Variants in OPRM1 observed in about 807,000 individuals in gnomAD.
The protein encoded by OPRM1 is mu-type opioid receptor.
A neutral mutation model predicts 31.8 loss-of-function variants in OPRM1; 27 were observed. The observed-to-expected ratio is 0.85, with a 90% CI of 0.63 to 1.17. The LOEUF (loss-of-function observed/expected upper bound fraction) is 1.17, where lower values mean the gene tolerates loss of function less well. Among genes scored for constraint, OPRM1 ranks in the 50% most tolerant of loss-of-function variants. OPRM1 has a pLI of 0.00. For synonymous variants in OPRM1, 196 were observed against 189.9 expected (o/e 1.03, Z -0.26); for missense variants, 536 against 511.1 (o/e 1.05, Z -0.47).
At chr6:154,157,589 G>A (rs1798767088) in intron 3 of OPRM1, 1 of 152,154 alleles carries the variant, frequency 6.6e-6, no homozygotes, top group Non-Finnish European at 1.5e-5. Context: ...ATGTCTTCAC[G>A]AAAAGCCAAA....
In OPRM1 at chr6:154,178,633, T is replaced by A. The variant is rs551645337; in HGVS notation, c.1165-68060T>A. Among the ~76,000 whole-genome samples the A allele has an allele frequency of 9.2e-5, 14 of 152,248 alleles. No homozygotes were observed. In the South Asian group the frequency reaches 1.5e-3, roughly 16 times the overall value. The stretch of plus-strand genomic sequence containing the variant: ...AACAGATAAAGTGAACCTGTTGGGG[T>A]AACCAGACATGAAAACAGAATTCAC... On this transcript the variant is annotated intron_variant, in intron 3 of 3. Coordinates refer to the OPRM1 transcript ENST00000337049.
intron 3 of OPRM1, among the ~76,000 whole-genome samples, chr6:154,195,206 G>A (rs2128586179): frequency 6.9e-6 from 1 of 145,070 alleles, no homozygotes; most frequent in Admixed American, 6.9e-5. Flanking sequence ...GGAGTGCAGT[G>A]GCACGATCTC....
At chr6:154,227,092 G>GGAGGCT (rs1779312396) in intron 3 of OPRM1, among the ~76,000 whole-genome samples, 2 of 151,948 alleles carry the variant, frequency 1.3e-5, no homozygotes, top group South Asian at 4.1e-4. Context: ...CAGCTACTTG[G>GGAGGCT]GAGGCTGAGG....
intron 3 of OPRM1, chr6:154,246,551 A>T: frequency 6.3e-7 from 1 of 1,578,382 alleles, no homozygotes. Flanking sequence ...CGTATCCCTC[A>T]TTAAAACGGC....
chr6:154,085,713 A>G (rs537780257), intron 1 of OPRM1, among the ~76,000 whole-genome samples: 1 of 152,188 alleles, frequency 6.6e-6, no homozygotes, highest in East Asian at 1.9e-4. Flanking sequence ...ACTCGGACCC[A>G]CTCAGGTAAA....
chr6:154,234,383 C>G (rs922030733), intron 3 of OPRM1, among the ~76,000 whole-genome samples: 6 of 152,118 alleles, frequency 3.9e-5, no homozygotes, highest in Non-Finnish European at 7.3e-5. Context: ...CTCTCACTTC[C>G]CTATTGCCTT....
In OPRM1 at chr6:154,216,105, C is replaced by G. The variant is rs183779450; in HGVS notation, c.1165-30588C>G. On this transcript the variant is annotated intron_variant, in intron 3 of 3. Coordinates refer to the OPRM1 transcript ENST00000337049. ...AATTTAAATATCCATCCCCTTCACC[C>G]AACAATTCCAATCATAAATATCAAT... Among the ~76,000 whole-genome samples, 1,210 of 152,210 alleles carry G rather than the reference C, an allele frequency of 7.9e-3. 11 individuals are homozygous for G. Among genetic ancestry groups the G allele is most frequent in the Non-Finnish European group, 8.5e-3 (578 of 68,006 alleles).
chr6:154,028,776 C>T (rs1778846249), intron 1 of OPRM1, among the ~76,000 whole-genome samples: 1 of 152,170 alleles, frequency 6.6e-6, no homozygotes, highest in Non-Finnish European at 1.5e-5. Flanking sequence ...GCTGCAATCT[C>T]CCTCTACCTA....
intron 3 of OPRM1, among the ~76,000 whole-genome samples, chr6:154,147,078 T>C (rs1027971427): frequency 6.6e-6 from 1 of 151,448 alleles, no homozygotes; most frequent in East Asian, 1.9e-4. Context: ...GAGGGAGAGG[T>C]GGGGAAGGGG....
chr6:154,135,326 A>G (rs1798028540), downstream of OPRM1, among the ~76,000 whole-genome samples: 1 of 152,208 alleles, frequency 6.6e-6, no homozygotes, highest in Non-Finnish European at 1.5e-5. Flanking sequence ...AAAATTAGCC[A>G]GGCATGGTGG....
chr6:154,126,611 T>A lies in OPRM1; in HGVS notation c.*7890T>A, dbSNP rs1185025492. Among the ~76,000 whole-genome samples, 3 of 152,182 alleles carry A rather than the reference T, an allele frequency of 2.0e-5. No individual in the cohort carries two copies. The highest frequency in any genetic ancestry group is 2.9e-5 in the Non-Finnish European group (2 of 68,034). On this transcript the variant is annotated 3_prime_UTR_variant, in exon 4 of 4. Transcript: ENST00000330432. The stretch of plus-strand genomic sequence containing the variant: ...TGGCAATGTCACCACCCTACACTGC[T>A]GTGACACCGAAACAACCAAGCCTAG...
chr6:154,245,412 G>A (rs922431226), intron 3 of OPRM1, among the ~76,000 whole-genome samples: 1 of 152,170 alleles, frequency 6.6e-6, no homozygotes, highest in African/African-American at 2.4e-5. Flanking sequence ...TCCCAGCACT[G>A]GAATTGGATT....
intron 3 of OPRM1, chr6:154,217,366 C>T (rs1188651450): frequency 2.0e-5 from 3 of 151,676 alleles, no homozygotes; most frequent in African/African-American, 7.3e-5. Context: ...CTCCCTCTGC[C>T]ACATGGAGAT....
rs141404479 is a variant in OPRM1, at chr6:154,205,966, T to C, written c.1165-40727T>C. Among the ~76,000 whole-genome samples, 119 of 152,238 alleles carry C rather than the reference T, an allele frequency of 7.8e-4. 1 individual carries two copies. The East Asian group carries it at 9.9e-3, about 13-fold the overall frequency. ...TGCTGCAGCCTTCCCCAGCTGCTGC[T>C]AGGCCTGAAACTAATGGCTTACATC... On this transcript the variant is annotated intron_variant, in intron 3 of 3. Coordinates refer to the OPRM1 transcript ENST00000337049.
chr6:154,208,778 G>T (rs1386077165), intron 3 of OPRM1, among the ~76,000 whole-genome samples: 1 of 152,178 alleles, frequency 6.6e-6, no homozygotes, highest in Non-Finnish European at 1.5e-5. Flanking sequence ...ATTTGAAATA[G>T]AAAGTTGGTT....
At chr6:154,087,249 T>C in intron 1 of OPRM1, 1 of 985,448 alleles carries the variant, frequency 1.0e-6, no homozygotes, top group Non-Finnish European at 1.2e-6. Flanking sequence ...AGCTGTCCTA[T>C]TGACCCTGAG....
At chr6:154,201,856 T>C (rs1469677178) in intron 3 of OPRM1, among the ~76,000 whole-genome samples, 2 of 152,082 alleles carry the variant, frequency 1.3e-5, no homozygotes, top group Non-Finnish European at 2.9e-5. Context: ...GATCACATGA[T>C]TGTACTCCAG....
chr6:154,114,377 T>C (rs1179013669), intron 3 of OPRM1, among the ~76,000 whole-genome samples: 1 of 152,162 alleles, frequency 6.6e-6, no homozygotes, highest in Non-Finnish European at 1.5e-5. Flanking sequence ...ATTGGCTAAT[T>C]TTATTAAGGC....
At chr6:154,087,513 C>G in intron 1 of OPRM1, 1 of 985,476 alleles carries the variant, frequency 1.0e-6, no homozygotes, top group Non-Finnish European at 1.2e-6. Context: ...AAATCCACAT[C>G]CTCCGGATTA....
Sources: allele counts gnomAD v4.1 joint callset (sites outside exome capture counted in the v4.1 genomes callset), GRCh38; gene constraint gnomAD v4.1.1; transcripts MANE v1.5; gene names NCBI Gene and HGNC (gene_info 2026-07-23, HGNC 2026-07-21).